KRT39: variants seen among roughly 807,000 people sequenced by gnomAD.
KRT39 encodes the protein keratin 39, also known as keratin, type I cytoskeletal 39.
Under a neutral mutation model 54.8 loss-of-function variants are expected in KRT39, and 47 were observed. The ratio of observed to expected loss-of-function variants is 0.86; its 90% CI spans 0.68 to 1.09. KRT39 has a LOEUF of 1.09. KRT39 is among the 50% of genes least tolerant of loss of function. The pLI, the probability that KRT39 is intolerant of heterozygous loss-of-function variation, is 0.00. For synonymous variants in KRT39, 207 were observed against 227.9 expected (o/e 0.91, Z 0.83); for missense variants, 580 against 598.5 (o/e 0.97, Z 0.32).
chr17:40,958,553 A>T lies in KRT39; in HGVS notation c.*48T>A, dbSNP rs527832356. The T allele has an allele frequency of 1.9e-6, 3 of 1,555,762 alleles. No individual in the cohort carries two copies. Among genetic ancestry groups the T allele is most frequent in the African/African-American group, 1.4e-5 (1 of 73,138 alleles). Reference sequence around the variant, plus strand: ...TTAAACCTCTCTGGCAGGAGCATGTATTGGCCTCTGTTTCATAAATGTGGG... The same window carrying T: ...TTAAACCTCTCTGGCAGGAGCATGTTTTGGCCTCTGTTTCATAAATGTGGG... On this transcript the variant is annotated 3_prime_UTR_variant, in exon 7 of 7. Transcript: ENST00000355612.
chr17:40,960,234 G>T (rs577488832), intron 6 of KRT39, 47 bp downstream of exon 6: 1 of 1,540,146 alleles, frequency 6.5e-7, no homozygotes, highest in South Asian at 1.1e-5. Context: ...ATATATCTGC[G>T]TTCATTTACA....
At chr17:40,965,439 A>G (rs1353150708) in intron 1 of KRT39, among the ~76,000 whole-genome samples, 2 of 152,092 alleles carry the variant, frequency 1.3e-5, no homozygotes, top group African/African-American at 2.4e-5. Context: ...TATAAATACC[A>G]TGATCCACTA....
chr17:40,960,349 C>T lies in KRT39; in HGVS notation c.1149G>A (p.Leu383=). 6.2e-7 allele frequency: 1 copy of T among 1,614,064 alleles called. No homozygotes were observed. The highest frequency in any genetic ancestry group is 1.7e-5 in the Admixed American group (1 of 60,010). ...CACATTCCAGCCGGGACTTGACGTCCAGCAGGATCTCGTATTCTTGGTTCT... is the reference window on the plus strand; with the variant it reads ...CACATTCCAGCCGGGACTTGACGTCTAGCAGGATCTCGTATTCTTGGTTCT... ...ERQNQEYEIL[L]DVKSRLECEI... The change falls in exon 6 of 7, where the codon CTG becomes CTA. Residue 383 remains leucine (L), a synonymous_variant. Coordinates refer to ENST00000355612, the MANE Select transcript of KRT39 (RefSeq NM_213656.4).
intron 5 of KRT39, chr17:40,960,824 C>T (rs1031584530): frequency 1.6e-5 from 6 of 370,548 alleles, no homozygotes; most frequent in Non-Finnish European, 3.0e-5. Flanking sequence ...ACTTAATGCA[C>T]ACCCAGGCAT....
Position 40,958,506 on chromosome 17 carries a change from C to G in KRT39, c.*95G>C. ...GCTGTAGTAGTAAGAAACTAAGTAC[C>G]TTAAGGGACTGGGGAGTTTTCTTAA... On this transcript the variant is annotated 3_prime_UTR_variant, in exon 7 of 7. Coordinates refer to ENST00000355612, the MANE Select transcript of KRT39 (RefSeq NM_213656.4). The G allele has an allele frequency of 2.1e-6, 3 of 1,424,468 alleles. No individual in the cohort carries two copies. Among genetic ancestry groups the G allele is most frequent in the Non-Finnish European group, 2.8e-6 (3 of 1,055,014 alleles). The allele number at this position is 1,424,468 out of a possible 1,614,324, so 88.2% of individuals were successfully genotyped here. A position where few individuals can be genotyped will look rare whatever the true frequency, so the allele number is the denominator to read the frequency against.
At position 40,962,187 on chromosome 17, in the gene KRT39, A is replaced by G. The variant is rs1272614602; in HGVS notation, c.971T>C (p.Val324Ala). 6.2e-7 allele frequency: 1 copy of G among 1,614,130 alleles called. No individual in the cohort carries two copies. The highest frequency in any genetic ancestry group is 2.2e-5 in the East Asian group (1 of 44,876). ...CATTCGATGCTGGGCCTGCAGTTCAACCTCCAGAGTGTTCACACTGCGTCT... is the reference window on the plus strand; with the variant it reads ...CATTCGATGCTGGGCCTGCAGTTCAGCCTCCAGAGTGTTCACACTGCGTCT... The part of the protein sequence containing the change: ...ELRRSVNTLE[V>A]ELQAQHRMRD... Residue 324 changes from valine (V) to alanine (A), a missense_variant, in exon 5 of 7, where the codon GTT (valine) becomes GCT (alanine). Physicochemically the swap from Val to Ala is moderately conservative, Grantham distance 64. Coordinates refer to ENST00000355612, the MANE Select transcript of KRT39 (RefSeq NM_213656.4).
chr17:40,965,040 T>TA lies in KRT39; in HGVS notation c.469-513dup, dbSNP rs1380381378. ...TGAAACCCCGTCTCTACTAAAAATA[T>TA]AAAAAAAAAAAAAATTAGCTGGGCG... On this transcript the variant is annotated intron_variant, in intron 1 of 6. Coordinates refer to ENST00000355612, the MANE Select transcript of KRT39 (RefSeq NM_213656.4). Among the ~76,000 whole-genome samples the TA allele has an allele frequency of 4.4e-3, 628 of 143,986 alleles. 15 individuals are homozygous for TA. Among genetic ancestry groups the TA allele is most frequent in the Admixed American group, 0.033 (481 of 14,470 alleles). 94.5% of individuals were successfully genotyped at this position (143,986 alleles called of 152,430 possible).
chr17:40,964,490 C>T lies in KRT39; in HGVS notation c.507G>A (p.Ser169=), dbSNP rs778323182. 18 of 1,613,986 alleles carry T rather than the reference C, an allele frequency of 1.1e-5. No individual in the cohort carries two copies. The highest frequency in any genetic ancestry group is 3.3e-4 in the Middle Eastern group (2 of 6,062). The change falls in exon 2 of 7, where the codon TCG becomes TCA. Residue 169 remains serine (S), a synonymous_variant. Transcript: ENST00000355612. The part of the protein sequence containing the change: ...CTKAENSRLV[S]QIDNTKLTAD... ...CAGTCAGTTTGGTGTTGTCAATTTG[C>T]GAGACCAGTCTGGAATTCTCGGCCT...
In KRT39 at chr17:40,964,323, TGGGCTTGTGCCAACATCATCTG is replaced by T. The variant is rs1911272621; in HGVS notation, c.551+101_551+122del. On this transcript the variant is annotated intron_variant, in intron 2 of 6. Transcript: ENST00000355612. ...ATTCATTGAATTTGAAAGTCTTTTC[TGGGCTTGTGCCAACATCATCTG>T]GGGCAAGAGGGTTAGTAGACATGGG... 6 of 770,676 alleles carry T rather than the reference TGGGCTTGTGCCAACATCATCTG, an allele frequency of 7.8e-6. No individual in the cohort carries two copies. In the Admixed American group the frequency reaches 9.9e-5, roughly 13 times the overall value. The allele number at this position is 770,676 out of a possible 1,614,324, so 47.7% of individuals were successfully genotyped here.
At chr17:40,962,350 C>G (rs1046822301) in intron 4 of KRT39, 52 bp downstream of exon 4, 2 of 1,611,660 alleles carry the variant, frequency 1.2e-6, no homozygotes, top group Admixed American at 1.7e-5. Context: ...GATTAAAGGG[C>G]CCTAGAAATG....
intron 6 of KRT39, among the ~76,000 whole-genome samples, chr17:40,959,524 G>A (rs1052688838): frequency 4.6e-5 from 7 of 152,158 alleles, no homozygotes; most frequent in East Asian, 1.9e-4. Flanking sequence ...AGGTATTTTG[G>A]TATATGATCA....
At position 40,962,203 on chromosome 17, in the gene KRT39, C is replaced by G; in HGVS notation, c.955G>C (p.Val319Leu). 6.2e-7 allele frequency: 1 copy of G among 1,614,226 alleles called. No homozygotes were observed. Among genetic ancestry groups the G allele is most frequent in the Non-Finnish European group, 8.5e-7 (1 of 1,180,032 alleles). Residue 319 changes from valine to leucine, a missense_variant, in exon 5 of 7, where the codon GTG becomes CTG. Coordinates refer to ENST00000355612, the MANE Select transcript of KRT39 (RefSeq NM_213656.4). ...TGCAGTTCAACCTCCAGAGTGTTCA[C>G]ACTGCGTCTCAGTTCTATGATCTCC... ...QKEIIELRRS[V>L]NTLEVELQAQ...
Position 40,960,439 on chromosome 17 carries a change from C to G in KRT39, c.1059G>C (p.Gln353His). The G allele has an allele frequency of 7.4e-6, 12 of 1,614,022 alleles. No homozygotes were observed. Among genetic ancestry groups the G allele is most frequent in the Non-Finnish European group, 1.0e-5 (12 of 1,180,014 alleles). The change falls in exon 6 of 7, where the codon CAG becomes CAC. Residue 353 changes from glutamine to histidine, a missense_variant. Physicochemically the swap from Gln to His is conservative, Grantham distance 24 (BLOSUM62 0). Transcript: ENST00000355612. Reference protein sequence around the residue: ...TEARYTALLTQIQSLIDNLEA... With the variant: ...TEARYTALLTHIQSLIDNLEA... Reference sequence around the variant, plus strand: ...CCAGGTTATCAATCAGACTCTGGATCTGGGTCAGCAAGGCCGTGTAGCGAG... The same window carrying G: ...CCAGGTTATCAATCAGACTCTGGATGTGGGTCAGCAAGGCCGTGTAGCGAG...
chr17:40,966,263 A>G (rs899158088), intron 1 of KRT39, 126 bp downstream of exon 1: 1 of 708,238 alleles, frequency 1.4e-6, no homozygotes, highest in African/African-American at 1.8e-5. Context: ...TCACTCAAGA[A>G]ATTTTTCTAT....
chr17:40,964,279 G>T, intron 2 of KRT39, 167 bp downstream of exon 2: 1 of 656,542 alleles, frequency 1.5e-6, no homozygotes, highest in Non-Finnish European at 2.8e-6. Context: ...ATACATGTGA[G>T]CAGTTATTAA....
chr17:40,964,356 G>T (rs539683056), intron 2 of KRT39, 90 bp downstream of exon 2: 8 of 1,024,016 alleles, frequency 7.8e-6, no homozygotes, highest in Admixed American at 6.9e-5. Context: ...GGGCAAGAGG[G>T]TTAGTAGACA....
At chr17:40,965,199 G>A (rs1385605425) in intron 1 of KRT39, among the ~76,000 whole-genome samples, 24 of 120,666 alleles carry the variant, frequency 2.0e-4, no homozygotes, top group African/African-American at 7.9e-4. Flanking sequence ...GCGAGACTCC[G>A]TCTCAAAAAA....
Position 40,958,639 on chromosome 17 carries a change from C to T in KRT39, c.1438G>A (p.Val480Met), listed in dbSNP as rs765460489. 40 of 1,613,284 alleles carry T rather than the reference C, an allele frequency of 2.5e-5. No individual in the cohort carries two copies. The highest frequency in any genetic ancestry group is 1.7e-4 in the South Asian group (15 of 90,908). Residue 480 changes from valine (V) to methionine (M), a missense_variant, in exon 7 of 7, where the codon GTG becomes ATG. By Grantham distance (21) the Val-to-Met change is conservative. Transcript: ENST00000355612. ...DGKVISSYEH[V>M]QPCFIIRPAK... ...GGTCTGATGATGAAACAAGGCTGCA[C>T]ATGCTCGTAAGAAGAAATGACCTTC...
chr17:40,964,373 C>A, intron 2 of KRT39, 73 bp downstream of exon 2: 2 of 1,283,310 alleles, frequency 1.6e-6, no homozygotes. Flanking sequence ...GACATGGGGA[C>A]AATTTTGTTG....
Sources: allele counts gnomAD v4.1 joint callset (sites outside exome capture counted in the v4.1 genomes callset), GRCh38; gene constraint gnomAD v4.1.1; transcripts MANE v1.5; gene names NCBI Gene and HGNC (gene_info 2026-07-23, HGNC 2026-07-21).